SYN3: variants seen among roughly 807,000 people sequenced by gnomAD.
SYN3 encodes the protein synapsin-3.
In SYN3, 35 loss-of-function variants were observed where a neutral mutation model predicts 65.8. The ratio of observed to expected loss-of-function variants is 0.53; its 90% CI spans 0.41 to 0.70. SYN3 has a LOEUF of 0.70. SYN3 is among the 30% of genes least tolerant of loss of function. The pLI, the probability that SYN3 is intolerant of heterozygous loss-of-function variation, is 0.00. For synonymous variants in SYN3, 270 were observed against 292.9 expected (o/e 0.92, Z 0.80); for missense variants, 680 against 749.0 (o/e 0.91, Z 1.08).
At chr22:32,898,202 G>A (rs982786844) in intron 4 of SYN3, among the ~76,000 whole-genome samples, 24 of 152,242 alleles carry the variant, frequency 1.6e-4, no homozygotes, top group African/African-American at 5.3e-4. Context: ...CACCATGTTG[G>A]TCAGGCGGGT....
At position 32,512,624 on chromosome 22, in the gene SYN3, G is replaced by A. The variant is rs958921622; in HGVS notation, c.*1068C>T. 7 of 152,134 alleles carry A rather than the reference G, an allele frequency of 4.6e-5. No homozygotes were observed. In the East Asian group the frequency reaches 5.8e-4, roughly 13 times the overall value. The allele number at this position is 152,134 out of a possible 1,614,324, so 9.4% of individuals were successfully genotyped here. A position where few individuals can be genotyped will look rare whatever the true frequency, so the allele number is the denominator to read the frequency against. ...CTTTGACATATATTATATACAATGC[G>A]TCTCCAAAAAAAGAAATACAAACAG... On this transcript the variant is annotated 3_prime_UTR_variant, in exon 14 of 14. Transcript: ENST00000358763.
At chr22:32,602,218 C>T (rs2059294649) in intron 6 of SYN3, among the ~76,000 whole-genome samples, 1 of 152,070 alleles carries the variant, frequency 6.6e-6, no homozygotes, top group South Asian at 2.1e-4. Context: ...TTCTATCTTT[C>T]CCCACTCCCC....
At chr22:32,903,889 T>G (rs2049831328) in intron 4 of SYN3, among the ~76,000 whole-genome samples, 1 of 152,244 alleles carries the variant, frequency 6.6e-6, no homozygotes, top group African/African-American at 2.4e-5. Context: ...GACCATCAAC[T>G]GCACAATGGT....
intron 4 of SYN3, among the ~76,000 whole-genome samples, chr22:32,903,449 G>A (rs1340693924): frequency 1.3e-5 from 2 of 152,126 alleles, no homozygotes; most frequent in Non-Finnish European, 2.9e-5. Context: ...CACCACTGAC[G>A]ATCAAGTTTT....
intron 3 of SYN3, among the ~76,000 whole-genome samples, chr22:32,936,473 A>C (rs2050778702): frequency 6.6e-6 from 1 of 150,818 alleles, no homozygotes; most frequent in South Asian, 2.1e-4. Context: ...GAAAAGATGA[A>C]TCTGCAGAGA....
chr22:32,684,111 T>C (rs1381664565), intron 6 of SYN3, among the ~76,000 whole-genome samples: 1 of 152,056 alleles, frequency 6.6e-6, no homozygotes, highest in African/African-American at 2.4e-5. Flanking sequence ...TTAATCAGAG[T>C]GCTGCATCCC....
At chr22:32,661,675 C>T (rs1399623999) in intron 6 of SYN3, among the ~76,000 whole-genome samples, 4 of 152,136 alleles carry the variant, frequency 2.6e-5, no homozygotes, top group East Asian at 3.9e-4. Context: ...GGACCTGTCG[C>T]GGTCAAGCAG....
At chr22:32,707,321 G>C (rs2147227896) in intron 6 of SYN3, among the ~76,000 whole-genome samples, 1 of 152,314 alleles carries the variant, frequency 6.6e-6, no homozygotes, top group South Asian at 2.1e-4. Flanking sequence ...GTTAGTGTAA[G>C]TCAGAAAAAC....
intron 2 of SYN3, among the ~76,000 whole-genome samples, chr22:32,982,047 T>A (rs2052389012): frequency 6.6e-6 from 1 of 152,188 alleles, no homozygotes; most frequent in Admixed American, 6.5e-5. Context: ...TCCAGTTTCA[T>A]TCTCAAGTAT....
At chr22:32,885,924 AC>A (rs1329395859) in intron 4 of SYN3, among the ~76,000 whole-genome samples, 3 of 152,196 alleles carry the variant, frequency 2.0e-5, no homozygotes, top group Admixed American at 6.5e-5. Context: ...GCTGAAACGA[AC>A]CAGGATTCAC....
chr22:33,009,055 T>C (rs1047741744), intron 1 of SYN3, among the ~76,000 whole-genome samples: 1 of 151,786 alleles, frequency 6.6e-6, no homozygotes, highest in African/African-American at 2.4e-5. Context: ...GCAAGAAATT[T>C]TTATTTAAGT....
At chr22:32,924,986 G>T (rs2050430615) in intron 4 of SYN3, among the ~76,000 whole-genome samples, 1 of 152,172 alleles carries the variant, frequency 6.6e-6, no homozygotes, top group Non-Finnish European at 1.5e-5. Flanking sequence ...CAGCTATTCA[G>T]GAGGCTGAGG....
intron 6 of SYN3, among the ~76,000 whole-genome samples, chr22:32,754,340 CG>C: frequency 6.6e-6 from 1 of 152,198 alleles, no homozygotes; most frequent in East Asian, 1.9e-4. Flanking sequence ...TTAGTAGAGA[CG>C]GGGTTTCACC....
chr22:33,015,337 C>G, intron 1 of SYN3: 1 of 666,634 alleles, frequency 1.5e-6, no homozygotes, highest in Non-Finnish European at 2.4e-6. Flanking sequence ...GTGAAGAATC[C>G]AGAGAAGATC....
chr22:32,555,990 C>T (rs530705193), intron 7 of SYN3, among the ~76,000 whole-genome samples: 1 of 152,222 alleles, frequency 6.6e-6, no homozygotes, highest in Non-Finnish European at 1.5e-5. Context: ...GAGTTTAGCT[C>T]AGAATCAATT....
intron 4 of SYN3, among the ~76,000 whole-genome samples, chr22:32,916,698 C>T (rs535625697): frequency 6.6e-6 from 1 of 152,244 alleles, no homozygotes; most frequent in Admixed American, 6.5e-5. Flanking sequence ...ACTCCTGGGT[C>T]TCACCCAGGA....
intron 1 of SYN3, among the ~76,000 whole-genome samples, chr22:33,028,691 A>ATGGTGGTGGTGGTGGTGGTGG (rs1170552905): frequency 3.0e-4 from 13 of 43,144 alleles, no homozygotes; most frequent in South Asian, 1.6e-3. Context: ...GGTGGTGGTG[A>ATGGTGGTGGTGGTGGTGGTGG]TGGTGGTGGT....
intron 12 of SYN3, among the ~76,000 whole-genome samples, chr22:32,525,820 C>G (rs1293431374): frequency 6.6e-6 from 1 of 152,150 alleles, no homozygotes; most frequent in East Asian, 1.9e-4. Flanking sequence ...GGACTGACTT[C>G]AAGTTTGAAA....
At chr22:32,679,478 C>A (rs2060492954) in intron 6 of SYN3, among the ~76,000 whole-genome samples, 3 of 152,102 alleles carry the variant, frequency 2.0e-5, no homozygotes, top group Admixed American at 2.0e-4. Flanking sequence ...GATCTCAATT[C>A]TTTTGGATAT....
Sources: gnomAD v4.1 joint callset for allele counts (sites outside exome capture counted in the v4.1 genomes callset) on GRCh38, gnomAD v4.1.1 for gene constraint, MANE v1.5 for transcripts, NCBI Gene and HGNC (gene_info 2026-07-23, HGNC 2026-07-21) for gene names.